The following ELOVL6 variants were observed in gnomAD, a reference collection of about 807,000 sequenced individuals.
ELOVL6 encodes the protein very long chain fatty acid elongase 6.
In ELOVL6, 8 loss-of-function variants were observed where a neutral mutation model predicts 31.7. The ratio of observed to expected loss-of-function variants is 0.25; its 90% CI spans 0.15 to 0.45. The LOEUF (loss-of-function observed/expected upper bound fraction) is 0.45, where lower values mean the gene tolerates loss of function less well. ELOVL6 is among the 20% of genes least tolerant of loss of function. The pLI is 1.00. For missense variants in ELOVL6, 126 were observed against 326.4 expected, an observed-to-expected ratio of 0.39 and a Z score of 4.73; for synonymous variants, 101 against 117.7, an observed-to-expected ratio of 0.86 and a Z score of 0.92.
intron 1 of ELOVL6, among the ~76,000 whole-genome samples, chr4:110,159,894 T>G (rs1758580584): frequency 1.3e-5 from 2 of 152,192 alleles, no homozygotes; most frequent in Admixed American, 1.3e-4. Context: ...ATTTAGGCAT[T>G]TTTTCACATG....
chr4:110,198,458 C>T lies in ELOVL6; in HGVS notation c.-123G>A, dbSNP rs1578299247. On this transcript the variant is annotated 5_prime_UTR_variant, in exon 1 of 4. Transcript: ENST00000302274. The stretch of plus-strand genomic sequence containing the variant: ...CCACCCCCCTAGGTCTTCCCCACGC[C>T]GCTCGGTCTCCAGCGGTCGTCTCTT... 1 of 634,890 alleles carries T rather than the reference C, an allele frequency of 1.6e-6. No individual in the cohort carries two copies. The highest frequency in any genetic ancestry group is 2.8e-6 in the Non-Finnish European group (1 of 357,536). The allele number at this position is 634,890 out of a possible 1,614,324, so 39.3% of individuals were successfully genotyped here. A position where few individuals can be genotyped will look rare whatever the true frequency, so the allele number is the denominator to read the frequency against.
chr4:110,110,372 C>A lies in ELOVL6; in HGVS notation c.90-4744G>T, dbSNP rs541219953. Among the ~76,000 whole-genome samples, 65 of 75,632 alleles carry A rather than the reference C, an allele frequency of 8.6e-4. No homozygotes were observed. In the South Asian group the frequency reaches 0.024, roughly 28 times the overall value. 49.6% of individuals were successfully genotyped at this position (75,632 alleles called of 152,430 possible). On this transcript the variant is annotated intron_variant, in intron 1 of 3. Coordinates refer to ENST00000302274, the MANE Select transcript of ELOVL6 (RefSeq NM_024090.3). Reference sequence around the variant, plus strand: ...AGACTTCATATAGGCATTTTTTTTACGTTAAAAAAAATGGAAATTTTTCCG... The same window carrying A: ...AGACTTCATATAGGCATTTTTTTTAAGTTAAAAAAAATGGAAATTTTTCCG...
intron 1 of ELOVL6, among the ~76,000 whole-genome samples, chr4:110,132,008 C>T (rs1261106380): frequency 6.6e-6 from 1 of 152,200 alleles, no homozygotes; most frequent in Non-Finnish European, 1.5e-5. Context: ...AAGCTGGACA[C>T]AACCACTCAG....
At chr4:110,189,614 AGAGAGAG>A (rs1420125966) in intron 1 of ELOVL6, among the ~76,000 whole-genome samples, 2 of 115,120 alleles carry the variant, frequency 1.7e-5, no homozygotes, top group African/African-American at 6.8e-5. Context: ...AAAAAAAAAA[AGAGAGAG>A]AGAGAGAGAA....
At chr4:110,076,604 G>A (rs1755639287) in intron 2 of ELOVL6, among the ~76,000 whole-genome samples, 1 of 152,222 alleles carries the variant, frequency 6.6e-6, no homozygotes, top group Non-Finnish European at 1.5e-5. Flanking sequence ...ACCTAGCGAG[G>A]TGGAGCCAAG....
chr4:110,057,476 G>A (rs1755019003), intron 3 of ELOVL6, among the ~76,000 whole-genome samples: 1 of 151,878 alleles, frequency 6.6e-6, no homozygotes, highest in Admixed American at 6.6e-5. Context: ...GATTAATAAG[G>A]TTATTAAATA....
intron 1 of ELOVL6, among the ~76,000 whole-genome samples, chr4:110,166,933 T>C (rs1354181459): frequency 6.6e-6 from 1 of 152,252 alleles, no homozygotes; most frequent in Non-Finnish European, 1.5e-5. Context: ...ATTTTGCATG[T>C]ACATCTGCCT....
At chr4:110,060,324 A>T (rs1755102213) in intron 2 of ELOVL6, among the ~76,000 whole-genome samples, 1 of 151,690 alleles carries the variant, frequency 6.6e-6, no homozygotes, top group Non-Finnish European at 1.5e-5. Context: ...TCAGAATGAG[A>T]CTCCTTCAAA....
chr4:110,159,042 G>T (rs940428052), intron 1 of ELOVL6, among the ~76,000 whole-genome samples: 1 of 152,046 alleles, frequency 6.6e-6, no homozygotes, highest in Non-Finnish European at 1.5e-5. Context: ...TAGTTGCTTT[G>T]CTTTTTATCA....
chr4:110,081,238 A>G (rs1463987255), intron 2 of ELOVL6, among the ~76,000 whole-genome samples: 1 of 152,162 alleles, frequency 6.6e-6, no homozygotes, highest in Non-Finnish European at 1.5e-5. Flanking sequence ...ATTGGAAAAA[A>G]CCACTTTAAA....
chr4:110,129,746 A>T (rs970145790), intron 1 of ELOVL6, among the ~76,000 whole-genome samples: 2 of 152,220 alleles, frequency 1.3e-5, no homozygotes, highest in African/African-American at 4.8e-5. Context: ...AGATGAAATC[A>T]GCTTAGTTTC....
chr4:110,133,093 C>A (rs1032333790), intron 1 of ELOVL6, among the ~76,000 whole-genome samples: 8 of 151,808 alleles, frequency 5.3e-5, no homozygotes, highest in African/African-American at 1.9e-4. Flanking sequence ...TCATCACTTA[C>A]AGAGAAGGTG....
intron 1 of ELOVL6, among the ~76,000 whole-genome samples, chr4:110,123,942 T>C (rs1418953772): frequency 6.6e-6 from 1 of 152,216 alleles, no homozygotes; most frequent in Non-Finnish European, 1.5e-5. Flanking sequence ...AGAAGGTTTG[T>C]TTGTTTTTAT....
At position 110,133,576 on chromosome 4, in the gene ELOVL6, G is replaced by A. The variant is rs116074051; in HGVS notation, c.90-27948C>T. 8.3e-3 allele frequency among the ~76,000 whole-genome samples: 1,259 copies of A among 152,264 alleles called. 13 individuals carry two copies. Among genetic ancestry groups the A allele is most frequent in the African/African-American group, 0.029 (1,200 of 41,556 alleles). On this transcript the variant is annotated intron_variant, in intron 1 of 3. Coordinates refer to ENST00000302274, the MANE Select transcript of ELOVL6 (RefSeq NM_024090.3). Reference sequence around the variant, plus strand: ...GTTGTCACAGGTGTCAAGGGAGCCTGAGAGGACAGGGAAAAAGGGAAGAAA... The same window carrying A: ...GTTGTCACAGGTGTCAAGGGAGCCTAAGAGGACAGGGAAAAAGGGAAGAAA...
chr4:110,162,744 C>T (rs187852369), intron 1 of ELOVL6, among the ~76,000 whole-genome samples: 45 of 152,222 alleles, frequency 3.0e-4, no homozygotes, highest in African/African-American at 8.4e-4. Flanking sequence ...TGCTGAAGTA[C>T]GCCAAATTTT....
At chr4:110,075,301 G>C (rs893972924) in intron 2 of ELOVL6, among the ~76,000 whole-genome samples, 1 of 152,138 alleles carries the variant, frequency 6.6e-6, no homozygotes, top group Non-Finnish European at 1.5e-5. Flanking sequence ...GGATTTAGAG[G>C]AGTTCCTTGT....
At chr4:110,147,194 GA>G in intron 1 of ELOVL6, 4 of 165,514 alleles carry the variant, frequency 2.4e-5, no homozygotes, top group Non-Finnish European at 4.8e-5. Flanking sequence ...GTTGGATACA[GA>G]AAAAGATATC....
chr4:110,180,795 G>C (rs1354193373), intron 1 of ELOVL6, among the ~76,000 whole-genome samples: 4 of 152,136 alleles, frequency 2.6e-5, no homozygotes, highest in African/African-American at 9.7e-5. Flanking sequence ...TTTAGATAAA[G>C]GATAGGAACA....
intron 3 of ELOVL6, among the ~76,000 whole-genome samples, chr4:110,058,187 T>A (rs1025798859): frequency 6.6e-6 from 1 of 152,196 alleles, no homozygotes; most frequent in Non-Finnish European, 1.5e-5. Flanking sequence ...GTGCTTAACA[T>A]AAATGCACTG....
Sources: allele counts gnomAD v4.1 joint callset (sites outside exome capture counted in the v4.1 genomes callset), GRCh38; gene constraint gnomAD v4.1.1; transcripts MANE v1.5; gene names NCBI Gene and HGNC (gene_info 2026-07-23, HGNC 2026-07-21).